Variants in TMEM132C observed in about 807,000 individuals in gnomAD.
The protein encoded by TMEM132C is transmembrane protein 132C.
Under a neutral mutation model 61.4 loss-of-function variants are expected in TMEM132C, and 29 were observed. The observed-to-expected ratio is 0.47, with a 90% CI of 0.35 to 0.64. The LOEUF (loss-of-function observed/expected upper bound fraction) is 0.64. Among genes scored for constraint, TMEM132C ranks in the 30% least tolerant of loss-of-function variants. The probability of loss-of-function intolerance (pLI) is 0.00; values close to 1 mark genes in which losing one functional copy is unlikely to be tolerated. For synonymous variants in TMEM132C, 656 were observed against 633.1 expected, an observed-to-expected ratio of 1.04 and a Z score of -0.54; for missense variants, 1,408 against 1,476.9, an observed-to-expected ratio of 0.95 and a Z score of 0.76.
chr12:128,510,297 TA>T (rs1467071914), intron 2 of TMEM132C, among the ~76,000 whole-genome samples: 8 of 152,214 alleles, frequency 5.3e-5, no homozygotes, highest in Non-Finnish European at 1.5e-5. Context: ...ATAAAACATT[TA>T]CAGGCCAACA....
In TMEM132C at chr12:128,705,845, G is replaced by T; in HGVS notation, c.2877G>T (p.Leu959=). 1 of 1,551,656 alleles carries T rather than the reference G, an allele frequency of 6.4e-7. No individual in the cohort carries two copies. Among genetic ancestry groups the T allele is most frequent in the Non-Finnish European group, 8.7e-7 (1 of 1,147,050 alleles). Residue 959 remains leucine (L), a synonymous_variant, in exon 9 of 9, where the codon CTG becomes CTT. Coordinates refer to ENST00000435159, the MANE Select transcript of TMEM132C (RefSeq NM_001136103.3). The part of the protein sequence containing the change: ...ALKYRHKQVP[L]EGQASMTHSH... ...AGTACAGGCACAAGCAAGTGCCCCTGGAAGGTCAGGCCTCCATGACCCACT... is the reference window on the plus strand; with the variant it reads ...AGTACAGGCACAAGCAAGTGCCCCTTGAAGGTCAGGCCTCCATGACCCACT...
At chr12:128,470,275 G>A (rs116831927) in intron 2 of TMEM132C, among the ~76,000 whole-genome samples, 2,641 of 152,276 alleles carry the variant, frequency 0.017, 80 homozygotes, top group African/African-American at 0.061. Flanking sequence ...TATGATGGAC[G>A]ATTTCCAACC....
intron 8 of TMEM132C, among the ~76,000 whole-genome samples, chr12:128,704,756 G>A (rs1439303189): frequency 6.6e-6 from 1 of 152,210 alleles, no homozygotes; most frequent in Non-Finnish European, 1.5e-5. Flanking sequence ...GTCATTGTCT[G>A]TGAACATGCA....
chr12:128,294,430 C>CT (rs1223879155), intron 1 of TMEM132C, among the ~76,000 whole-genome samples: 1 of 152,180 alleles, frequency 6.6e-6, no homozygotes, highest in Non-Finnish European at 1.5e-5. Flanking sequence ...CTCTCCCTCT[C>CT]TAATTCTGGA....
intron 1 of TMEM132C, among the ~76,000 whole-genome samples, chr12:128,389,295 A>G (rs1176784450): frequency 6.6e-6 from 1 of 152,204 alleles, no homozygotes; most frequent in Non-Finnish European, 1.5e-5. Context: ...CAAAGAAAAC[A>G]GCAAAAAACA....
Position 128,446,264 on chromosome 12 carries a change from A to G in TMEM132C, c.974+30644A>G, listed in dbSNP as rs141931885. Among the ~76,000 whole-genome samples the G allele has an allele frequency of 3.0e-4, 45 of 152,318 alleles. No homozygotes were observed. In the East Asian group the frequency reaches 7.7e-3, roughly 26 times the overall value. ...TACCTCCTTCTGAGGTCGTCATTAT[A>G]TGCTGAGCTCAAGTCTCAGATCTAA... On this transcript the variant is annotated intron_variant, in intron 2 of 8. Transcript: ENST00000435159.
chr12:128,555,800 G>T (rs112516370), intron 3 of TMEM132C, among the ~76,000 whole-genome samples: 3,654 of 151,016 alleles, frequency 0.024, 162 homozygotes, highest in African/African-American at 0.085. Flanking sequence ...CTGCAGCCTC[G>T]ACCTCCTGGG....
chr12:128,485,760 T>C (rs755285749), intron 2 of TMEM132C, among the ~76,000 whole-genome samples: 18 of 152,192 alleles, frequency 1.2e-4, no homozygotes, highest in African/African-American at 3.6e-4. Context: ...CGTACTAAGA[T>C]GATGCGTTAA....
chr12:128,432,019 C>G (rs1409304259), intron 2 of TMEM132C, among the ~76,000 whole-genome samples: 1 of 152,178 alleles, frequency 6.6e-6, no homozygotes, highest in African/African-American at 2.4e-5. Flanking sequence ...AATGGAACCA[C>G]AAAGCCTGTA....
At chr12:128,690,785 A>C (rs1032030210) in intron 5 of TMEM132C, among the ~76,000 whole-genome samples, 1 of 152,078 alleles carries the variant, frequency 6.6e-6, no homozygotes, top group African/African-American at 2.4e-5. Context: ...ATGTGTTCCC[A>C]TCCCAACTGC....
intron 2 of TMEM132C, among the ~76,000 whole-genome samples, chr12:128,506,145 T>TATACCACATA (rs1319085370): frequency 1.3e-5 from 2 of 152,164 alleles, no homozygotes; most frequent in Non-Finnish European, 2.9e-5. Flanking sequence ...ATATGTGGCT[T>TATACCACATA]TTATACCCAT....
intron 3 of TMEM132C, among the ~76,000 whole-genome samples, chr12:128,600,284 G>A (rs1876137423): frequency 6.6e-6 from 1 of 152,160 alleles, no homozygotes; most frequent in South Asian, 2.1e-4. Flanking sequence ...ACCGGGCCAA[G>A]ACCTGATGGT....
At chr12:128,651,148 T>G (rs1954264876) in intron 4 of TMEM132C, among the ~76,000 whole-genome samples, 1 of 152,166 alleles carries the variant, frequency 6.6e-6, no homozygotes, top group East Asian at 1.9e-4. Context: ...ACTTCACAGT[T>G]TTTTGGGGTA....
At position 128,429,926 on chromosome 12, in the gene TMEM132C, G is replaced by A. The variant is rs75362764; in HGVS notation, c.974+14306G>A. Among the ~76,000 whole-genome samples, 604 of 152,244 alleles carry A rather than the reference G, an allele frequency of 4.0e-3. 1 individual carries two copies. The highest frequency in any genetic ancestry group is 5.8e-3 in the Non-Finnish European group (397 of 68,014). On this transcript the variant is annotated intron_variant, in intron 2 of 8. Coordinates refer to ENST00000435159, the MANE Select transcript of TMEM132C (RefSeq NM_001136103.3). ...GGAGAGCTAAAGGGTGCAGCGGACAGACACAATTATGCCATCCTGAGATGC... is the reference window on the plus strand; with the variant it reads ...GGAGAGCTAAAGGGTGCAGCGGACAAACACAATTATGCCATCCTGAGATGC...
At chr12:128,575,678 G>A (rs929945741) in intron 3 of TMEM132C, among the ~76,000 whole-genome samples, 13 of 152,310 alleles carry the variant, frequency 8.5e-5, no homozygotes, top group African/African-American at 2.9e-4. Flanking sequence ...CCCCTCCACT[G>A]AACATAATTT....
rs995099354 is a variant in TMEM132C at position 128,504,672 on chromosome 12, T to C, written c.975-39285T>C. ...AAAAGAGAGAGGTCCCTGGCATCTC[T>C]CCCTCTTCTAATAAGTACGCCAGTC... On this transcript the variant is annotated intron_variant, in intron 2 of 8. Transcript: ENST00000435159. Among the ~76,000 whole-genome samples, 19 of 152,032 alleles carry C rather than the reference T, an allele frequency of 1.2e-4. 1 individual carries two copies. Among genetic ancestry groups the C allele is most frequent in the African/African-American group, 3.4e-4 (14 of 41,386 alleles).
intron 1 of TMEM132C, among the ~76,000 whole-genome samples, chr12:128,306,848 C>T (rs207473499): frequency 6.6e-6 from 1 of 152,084 alleles, no homozygotes; most frequent in Non-Finnish European, 1.5e-5. Flanking sequence ...TTTGTCCTCT[C>T]GTTGGCATGT....
chr12:128,392,639 C>G (rs1013479053), intron 1 of TMEM132C, among the ~76,000 whole-genome samples: 1 of 152,104 alleles, frequency 6.6e-6, no homozygotes, highest in Non-Finnish European at 1.5e-5. Flanking sequence ...CAAAGACAGG[C>G]AAACAGGTGA....
intron 4 of TMEM132C, among the ~76,000 whole-genome samples, chr12:128,619,849 T>C (rs1462671085): frequency 2.0e-5 from 3 of 152,212 alleles, no homozygotes; most frequent in South Asian, 4.1e-4. Context: ...ATATCCCAAG[T>C]TGAGGCCACA....
Sources: allele counts gnomAD v4.1 joint callset (sites outside exome capture counted in the v4.1 genomes callset), GRCh38; gene constraint gnomAD v4.1.1; transcripts MANE v1.5; gene names NCBI Gene and HGNC (gene_info 2026-07-23, HGNC 2026-07-21).